Variants in EP400 observed in about 807,000 individuals in gnomAD.
EP400 encodes E1A binding protein p400.
A neutral mutation model predicts 354.1 loss-of-function variants in EP400; 105 were observed. That is an observed-to-expected ratio of 0.30 (90% confidence interval 0.25 to 0.35). EP400 has a LOEUF of 0.35. EP400 is among the 10% of genes least tolerant of loss of function. EP400 has a pLI of 1.00. For synonymous variants in EP400, 1,646 were observed against 1,716.9 expected (o/e 0.96, Z 1.02); for missense variants, 3,280 against 4,121.0 (o/e 0.80, Z 5.59).
At chr12:132,033,004 A>G (rs952181791) in intron 30 of EP400, among the ~76,000 whole-genome samples, 4 of 150,984 alleles carry the variant, frequency 2.6e-5, no homozygotes, top group Non-Finnish European at 4.4e-5. Context: ...CTGGAGTGCA[A>G]TGGCGTGATC....
intron 1 of EP400, among the ~76,000 whole-genome samples, chr12:131,953,157 A>G (rs906550726): frequency 6.6e-6 from 1 of 152,206 alleles, no homozygotes; most frequent in African/African-American, 2.4e-5. Flanking sequence ...GAACAGATGT[A>G]CAGTGTGGTA....
chr12:131,962,439 T>A lies in EP400; in HGVS notation c.1335+485T>A, dbSNP rs181598243. Among the ~76,000 whole-genome samples, 5 of 152,322 alleles carry A rather than the reference T, an allele frequency of 3.3e-5. No homozygotes were observed. In the East Asian group the frequency reaches 9.6e-4, roughly 29 times the overall value. On this transcript the variant is annotated intron_variant, in intron 2 of 52. Transcript: ENST00000389561. ...CATCAGCATGGTTTTCAAACAGATT[T>A]AAGTCACTAGCTTTTTATAATAACC...
intron 19 of EP400, among the ~76,000 whole-genome samples, chr12:132,014,218 T>C (rs182678493): frequency 9.2e-5 from 14 of 152,204 alleles, no homozygotes; most frequent in Middle Eastern, 3.2e-3. Context: ...AATTTTAGTT[T>C]CCATTCATCC....
At chr12:131,953,929 G>A (rs1188321920) in intron 1 of EP400, among the ~76,000 whole-genome samples, 3 of 151,628 alleles carry the variant, frequency 2.0e-5, no homozygotes, top group South Asian at 2.1e-4. Flanking sequence ...CCTGGCCAAC[G>A]TGGTGAAACT....
chr12:131,999,441 A>G (rs1158752443), intron 12 of EP400, among the ~76,000 whole-genome samples: 1 of 152,008 alleles, frequency 6.6e-6, no homozygotes, highest in African/African-American at 2.4e-5. Context: ...TGGGTATTGC[A>G]TGCTTTGTTT....
intron 37 of EP400, 39 bp downstream of exon 37, chr12:132,044,992 C>A (rs1192746396): frequency 6.2e-7 from 1 of 1,608,216 alleles, no homozygotes; most frequent in Non-Finnish European, 8.5e-7. Context: ...TGGGGGGGCC[C>A]TGGCCTGCAG....
Position 132,078,571 on chromosome 12 carries a change from G to A in EP400, c.*898G>A, listed in dbSNP as rs1045978644. Reference sequence around the variant, plus strand: ...CCCAGAGGACCACGCAGAGGCAATGGTAGTACAGATGTCACAGCTGAGGGT... The same window carrying A: ...CCCAGAGGACCACGCAGAGGCAATGATAGTACAGATGTCACAGCTGAGGGT... On this transcript the variant is annotated 3_prime_UTR_variant, in exon 53 of 53. Coordinates refer to ENST00000389561, the MANE Select transcript of EP400 (RefSeq NM_015409.5). 6.6e-6 allele frequency: 1 copy of A among 152,330 alleles called. No homozygotes were observed. The highest frequency in any genetic ancestry group is 2.4e-5 in the African/African-American group (1 of 41,480). 9.4% of individuals were successfully genotyped at this position (152,330 alleles called of 1,614,324 possible). A position where few individuals can be genotyped will look rare whatever the true frequency, so the allele number is the denominator to read the frequency against.
rs374833995 is a variant in EP400, at chr12:132,027,431, T to C, written c.5015-6T>C. The C allele has an allele frequency of 1.2e-6, 2 of 1,614,032 alleles. No individual in the cohort carries two copies. The highest frequency in any genetic ancestry group is 1.1e-5 in the South Asian group (1 of 91,084). On this transcript the variant is annotated splice_polypyrimidine_tract_variant and splice_region_variant and intron_variant, in intron 25 of 52. Coordinates refer to ENST00000389561, the MANE Select transcript of EP400 (RefSeq NM_015409.5). This position sits in a 1 kb window ranked among gnomAD's most constrained non-coding sequence, Gnocchi z 4.9. ...CCTTTTCACCTCTTCCTTTATGCAT[T>C]TGTAGTTGGCGTTCCGGGCCGCGTG... is the stretch of plus-strand genomic sequence containing the variant.
intron 45 of EP400, among the ~76,000 whole-genome samples, chr12:132,058,868 CCTCACA>C (rs552108944): frequency 3.8e-4 from 58 of 151,488 alleles, no homozygotes; most frequent in African/African-American, 1.4e-3. Flanking sequence ...CTCACTGCAG[CCTCACA>C]CTCACAGGCT....
chr12:131,969,217 T>A (rs1892207464), intron 2 of EP400, among the ~76,000 whole-genome samples: 1 of 152,166 alleles, frequency 6.6e-6, no homozygotes, highest in South Asian at 2.1e-4. Context: ...TGAATTGATG[T>A]TGAATTTTGT....
chr12:131,998,655 A>G (rs1443004355), intron 12 of EP400, among the ~76,000 whole-genome samples: 4 of 142,820 alleles, frequency 2.8e-5, no homozygotes, highest in African/African-American at 7.7e-5. Flanking sequence ...ACAGTCTTGT[A>G]TACAAAGACT....
intron 29 of EP400, among the ~76,000 whole-genome samples, 164 bp from the exon 30 acceptor site, chr12:132,031,789 T>C (rs1178096669): frequency 1.3e-5 from 2 of 152,070 alleles, no homozygotes; most frequent in Admixed American, 6.5e-5. Flanking sequence ...TCTGCTGACC[T>C]TGTGATCCAC....
chr12:132,072,783 TC>T (rs1299708513), intron 51 of EP400, among the ~76,000 whole-genome samples: 1 of 152,240 alleles, frequency 6.6e-6, no homozygotes, highest in Non-Finnish European at 1.5e-5. Flanking sequence ...TTTATCTGTT[TC>T]TTCTTACCTT....
intron 1 of EP400, among the ~76,000 whole-genome samples, chr12:131,951,065 A>ATTTTT (rs750396319): frequency 3.8e-5 from 4 of 104,170 alleles, no homozygotes; most frequent in South Asian, 6.9e-4. Context: ...ACGCCTGGCT[A>ATTTTT]TTTTTTTTTT....
At chr12:132,031,148 A>G (rs1894477175) in intron 29 of EP400, 1 of 453,400 alleles carries the variant, frequency 2.2e-6, no homozygotes, top group Non-Finnish European at 4.4e-6. Flanking sequence ...GTTATGGAAG[A>G]AAAGTATTCA....
intron 43 of EP400, 84 bp downstream of exon 43, chr12:132,053,681 G>C (rs1565930274): frequency 7.2e-6 from 10 of 1,385,248 alleles, no homozygotes; most frequent in Non-Finnish European, 8.5e-6. Context: ...CTGTTGAAAC[G>C]AAGACTTGTT....
chr12:132,076,645 G>T, intron 52 of EP400, 52 bp downstream of exon 52: 1 of 1,520,082 alleles, frequency 6.6e-7, no homozygotes, highest in Non-Finnish European at 9.0e-7. Context: ...TCAGAGAATG[G>T]GTTGTTTTCA....
At chr12:131,983,048 C>G (rs1465835040) in intron 5 of EP400, among the ~76,000 whole-genome samples, 1 of 152,088 alleles carries the variant, frequency 6.6e-6, no homozygotes, top group Non-Finnish European at 1.5e-5. Flanking sequence ...CCTCCTTACT[C>G]ACCCATATGT....
At chr12:132,074,841 C>T (rs1896184377) in intron 51 of EP400, among the ~76,000 whole-genome samples, 1 of 152,166 alleles carries the variant, frequency 6.6e-6, no homozygotes, top group Non-Finnish European at 1.5e-5. Context: ...TGTTTATAGT[C>T]TCTTGTTTCC....
Sources: allele counts gnomAD v4.1 joint callset (sites outside exome capture counted in the v4.1 genomes callset), GRCh38; gene constraint gnomAD v4.1.1; non-coding constraint Gnocchi (gnomAD v3.1); transcripts MANE v1.5; gene names NCBI Gene and HGNC (gene_info 2026-07-23, HGNC 2026-07-21).